The following AGBL1 variants were observed in gnomAD, a reference collection of about 807,000 sequenced individuals.
The protein encoded by AGBL1 is cytosolic carboxypeptidase 4.
A neutral mutation model predicts 118.9 loss-of-function variants in AGBL1; 130 were observed. That is an observed-to-expected ratio of 1.09 (90% confidence interval 0.95 to 1.26). The LOEUF is 1.26. Among genes scored for constraint, AGBL1 ranks in the 50% most tolerant of loss-of-function variants. The pLI is 0.00. For missense variants in AGBL1, 1,584 were observed against 1,298.1 expected (o/e 1.22, Z -3.38); for synonymous variants, 555 against 478.9 (o/e 1.16, Z -2.08).
At chr15:86,254,596 T>C (rs2142008184) in intron 7 of AGBL1, among the ~76,000 whole-genome samples, 1 of 152,318 alleles carries the variant, frequency 6.6e-6, no homozygotes, top group East Asian at 1.9e-4. Flanking sequence ...AGATGTGTTA[T>C]TGAGAGTGAT....
chr15:86,805,372 G>A (rs1399834034), intron 22 of AGBL1, among the ~76,000 whole-genome samples: 1 of 152,036 alleles, frequency 6.6e-6, no homozygotes, highest in Non-Finnish European at 1.5e-5. Context: ...CAAGAGCCTT[G>A]TTCCTCTGCC....
chr15:86,309,113 T>A (rs1049123344), intron 17 of AGBL1, among the ~76,000 whole-genome samples: 2 of 152,184 alleles, frequency 1.3e-5, no homozygotes, highest in Non-Finnish European at 2.9e-5. Context: ...GTTTTATAGT[T>A]TTTAGTGTGG....
intron 21 of AGBL1, among the ~76,000 whole-genome samples, chr15:86,669,754 T>G (rs555574081): frequency 6.4e-4 from 98 of 152,292 alleles, no homozygotes; most frequent in Non-Finnish European, 1.2e-3. Context: ...TATGTGGATA[T>G]TTTCTTGATG....
At chr15:86,693,624 G>T in intron 22 of AGBL1, among the ~76,000 whole-genome samples, 1 of 152,042 alleles carries the variant, frequency 6.6e-6, no homozygotes, top group Non-Finnish European at 1.5e-5. Context: ...CTTTGTTTTT[G>T]TTGCATTTGC....
intron 22 of AGBL1, among the ~76,000 whole-genome samples, chr15:86,808,223 C>A (rs569902835): frequency 1.3e-5 from 2 of 152,110 alleles, no homozygotes; most frequent in Non-Finnish European, 2.9e-5. Flanking sequence ...ATTCTCCATG[C>A]GTCTCAGTTG....
intron 24 of AGBL1, among the ~76,000 whole-genome samples, chr15:86,997,572 A>G (rs1195712764): frequency 1.3e-5 from 2 of 152,170 alleles, no homozygotes; most frequent in Non-Finnish European, 2.9e-5. Context: ...AAAAAAGCAC[A>G]ATAGATATTG....
intron 22 of AGBL1, among the ~76,000 whole-genome samples, chr15:86,762,130 A>G (rs1211792132): frequency 6.6e-6 from 1 of 152,114 alleles, no homozygotes; most frequent in East Asian, 1.9e-4. Context: ...AGAAAACCAA[A>G]CACTGCATAT....
intron 19 of AGBL1, among the ~76,000 whole-genome samples, chr15:86,538,125 A>G (rs546709563): frequency 1.1e-4 from 16 of 152,290 alleles, no homozygotes; most frequent in Admixed American, 5.9e-4. Context: ...GATACATTCT[A>G]TTGAGTTTAA....
chr15:86,884,657 C>A (rs1454818341), intron 22 of AGBL1, among the ~76,000 whole-genome samples: 2 of 152,122 alleles, frequency 1.3e-5, no homozygotes, highest in African/African-American at 2.4e-5. Flanking sequence ...ACCAAAAATA[C>A]CAAAATCAGC....
intron 1 of AGBL1, among the ~76,000 whole-genome samples, chr15:86,139,458 G>A (rs934120830): frequency 1.3e-5 from 2 of 152,176 alleles, no homozygotes; most frequent in African/African-American, 4.8e-5. Flanking sequence ...ACATTTTAGT[G>A]GATTTCTGTT....
At chr15:86,183,373 T>A (rs1255147678) in intron 5 of AGBL1, among the ~76,000 whole-genome samples, 1 of 152,144 alleles carries the variant, frequency 6.6e-6, no homozygotes, top group Non-Finnish European at 1.5e-5. Context: ...TTCAATCCAA[T>A]ACCCTCACTT....
intron 18 of AGBL1, among the ~76,000 whole-genome samples, chr15:86,429,746 T>C (rs1276150886): frequency 1.3e-5 from 2 of 152,276 alleles, no homozygotes; most frequent in Non-Finnish European, 2.9e-5. Context: ...ACATATTGTA[T>C]GTGAAATCAG....
At chr15:86,222,357 C>G (rs2078293332) in intron 5 of AGBL1, among the ~76,000 whole-genome samples, 1 of 152,156 alleles carries the variant, frequency 6.6e-6, no homozygotes, top group South Asian at 2.1e-4. Flanking sequence ...AACTTCTCTT[C>G]TTAGTCTATT....
chr15:86,534,321 T>G (rs1451224882), intron 19 of AGBL1, among the ~76,000 whole-genome samples: 1 of 152,122 alleles, frequency 6.6e-6, no homozygotes, highest in Non-Finnish European at 1.5e-5. Flanking sequence ...AGATTAGAAG[T>G]ACCATTTGAG....
At chr15:86,585,574 C>T (rs1383510175) in intron 21 of AGBL1, among the ~76,000 whole-genome samples, 1 of 152,028 alleles carries the variant, frequency 6.6e-6, no homozygotes, top group East Asian at 1.9e-4. Flanking sequence ...CTATGTTTCC[C>T]AGGCTGGTCT....
intron 18 of AGBL1, among the ~76,000 whole-genome samples, chr15:86,478,727 A>G (rs986307732): frequency 1.3e-5 from 2 of 152,200 alleles, no homozygotes; most frequent in Non-Finnish European, 2.9e-5. Flanking sequence ...AATTGGAAAA[A>G]ACTACTTTAA....
intron 17 of AGBL1, among the ~76,000 whole-genome samples, chr15:86,349,922 A>C (rs2080599333): frequency 6.6e-6 from 1 of 152,236 alleles, no homozygotes; most frequent in African/African-American, 2.4e-5. Flanking sequence ...ATGAAATGCA[A>C]ATAGTGAACC....
Position 86,937,840 on chromosome 15 carries a change from T to C in AGBL1, c.3222-50147T>C, listed in dbSNP as rs529203498. Among the ~76,000 whole-genome samples, 5 of 152,304 alleles carry C rather than the reference T, an allele frequency of 3.3e-5. No individual in the cohort carries two copies. In the South Asian group the frequency reaches 8.3e-4, roughly 25 times the overall value. ...AAGTTTCTTTCAACCTGTAAAATAT[T>C]ACATGCTATGTACTACCCTGTTGCA... On this transcript the variant is annotated intron_variant, in intron 23 of 24. Coordinates refer to the AGBL1 transcript ENST00000441037.
chr15:86,542,062 C>A (rs145210000), intron 19 of AGBL1, among the ~76,000 whole-genome samples: 3 of 152,122 alleles, frequency 2.0e-5, no homozygotes, highest in South Asian at 4.2e-4. Context: ...TGTTAGCTTG[C>A]GCAGCTGGAA....
Sources: gnomAD v4.1 joint callset for allele counts (sites outside exome capture counted in the v4.1 genomes callset) on GRCh38, gnomAD v4.1.1 for gene constraint, MANE v1.5 for transcripts, NCBI Gene and HGNC (gene_info 2026-07-23, HGNC 2026-07-21) for gene names.